CD9: variants seen among roughly 807,000 people sequenced by gnomAD.
CD9 encodes CD9 antigen.
CD9 carries 10 observed loss-of-function variants against 31.4 expected under a neutral mutation model. The ratio of observed to expected loss-of-function variants is 0.32; its 90% CI spans 0.20 to 0.54. CD9 has a LOEUF of 0.54. CD9 is among the 20% of genes least tolerant of loss of function. The pLI is 0.94. For missense variants in CD9, 259 were observed against 300.1 expected, an observed-to-expected ratio of 0.86 and a Z score of 1.01; for synonymous variants, 113 against 114.1, an observed-to-expected ratio of 0.99 and a Z score of 0.06.
At position 6,236,696 on chromosome 12, in the gene CD9, T is replaced by C. The variant is rs1946527871; in HGVS notation, c.621+421T>C. On this transcript the variant is annotated intron_variant, in intron 7 of 7. Transcript: ENST00000009180. ...GAACATGGGCAGCCAGAAGGAGGTC[T>C]CTCGCTAATCAGCCCCTAGAAACCA... 7.6e-6 allele frequency: 3 copies of C among 396,576 alleles called. No individual in the cohort carries two copies. The Admixed American group carries it at 1.2e-4, about 16-fold the overall frequency. 24.6% of individuals were successfully genotyped at this position (396,576 alleles called of 1,614,324 possible). A position where few individuals can be genotyped will look rare whatever the true frequency, so the allele number is the denominator to read the frequency against.
At chr12:6,221,977 G>A (rs994394583) in intron 1 of CD9, among the ~76,000 whole-genome samples, 6 of 152,086 alleles carry the variant, frequency 3.9e-5, no homozygotes, top group South Asian at 2.1e-4. Context: ...CCTGGGTGAC[G>A]AGAGCAAGAC....
At chr12:6,204,038 G>A (rs867403375) in intron 1 of CD9, among the ~76,000 whole-genome samples, 8 of 136,260 alleles carry the variant, frequency 5.9e-5, no homozygotes, top group Admixed American at 1.4e-4. Context: ...AGGCTGGTGC[G>A]AAACACAGAG....
intron 1 of CD9, among the ~76,000 whole-genome samples, chr12:6,207,417 C>G (rs1946144857): frequency 6.6e-6 from 1 of 152,218 alleles, no homozygotes; most frequent in African/African-American, 2.4e-5. Flanking sequence ...CCCTCTGACT[C>G]TCAGCTTAAT....
Position 6,237,808 on chromosome 12 carries a change from A to C in CD9, c.667A>C (p.Arg223=). Reference sequence around the variant, plus strand: ...TATGATCTTGTGCTGTGCTATCCGCAGGAACCGCGAGATGGTCTAGAGTCA... The same window carrying C: ...TATGATCTTGTGCTGTGCTATCCGCCGGAACCGCGAGATGGTCTAGAGTCA... ...FSMILCCAIR[R]NREMV Residue 223 remains arginine, a synonymous_variant, in exon 8 of 8, where the codon AGG becomes CGG. Coordinates refer to ENST00000009180, the MANE Select transcript of CD9 (RefSeq NM_001769.4). 6.2e-7 allele frequency: 1 copy of C among 1,613,166 alleles called. No homozygotes were observed. The highest frequency in any genetic ancestry group is 8.5e-7 in the Non-Finnish European group (1 of 1,179,132).
chr12:6,222,044 C>G (rs1946298388), intron 1 of CD9, among the ~76,000 whole-genome samples: 1 of 152,110 alleles, frequency 6.6e-6, no homozygotes. Context: ...AGGGGAGCCC[C>G]TCTATGCCAC....
chr12:6,216,973 T>C (rs1946249572), intron 1 of CD9, among the ~76,000 whole-genome samples: 1 of 152,232 alleles, frequency 6.6e-6, no homozygotes, highest in African/African-American at 2.4e-5. Context: ...TGCATCACTT[T>C]ATTTAATCCT....
intron 1 of CD9, among the ~76,000 whole-genome samples, chr12:6,204,769 G>A (rs190296287): frequency 2.0e-5 from 3 of 152,364 alleles, no homozygotes; most frequent in African/African-American, 7.2e-5. Flanking sequence ...CTAGTGGAGA[G>A]TAGAATGAGG....
intron 1 of CD9, among the ~76,000 whole-genome samples, chr12:6,219,311 G>A (rs1465764385): frequency 6.6e-6 from 1 of 151,852 alleles, no homozygotes; most frequent in African/African-American, 2.4e-5. Flanking sequence ...CGGCCTGCAT[G>A]GGCTTTTTGT....
chr12:6,200,254 G>A (rs1189461262), upstream of CD9: 5 of 203,482 alleles, frequency 2.5e-5, no homozygotes, highest in African/African-American at 7.2e-5. Flanking sequence ...GGGGCGGGGG[G>A]GGTGCGGCCC....
At chr12:6,222,053 A>G (rs937709451) in intron 1 of CD9, among the ~76,000 whole-genome samples, 1 of 152,184 alleles carries the variant, frequency 6.6e-6, no homozygotes, top group Non-Finnish European at 1.5e-5. Flanking sequence ...CCTCTATGCC[A>G]CACCAGAAAG....
At chr12:6,214,434 C>G (rs1382953059) in intron 1 of CD9, among the ~76,000 whole-genome samples, 1 of 146,090 alleles carries the variant, frequency 6.8e-6, no homozygotes, top group Non-Finnish European at 1.5e-5. Context: ...GCAGCCTTGA[C>G]CTCCTGGATT....
intron 1 of CD9, among the ~76,000 whole-genome samples, chr12:6,208,006 C>T (rs1446746566): frequency 6.6e-6 from 1 of 152,114 alleles, no homozygotes; most frequent in Admixed American, 6.5e-5. Context: ...AGGCGGATCA[C>T]CTGAGGTTGG....
chr12:6,207,137 C>T (rs1946141623), intron 1 of CD9, among the ~76,000 whole-genome samples: 1 of 152,168 alleles, frequency 6.6e-6, no homozygotes, highest in African/African-American at 2.4e-5. Context: ...CAGCCTCGGA[C>T]TCCCAAAGCA....
At chr12:6,221,878 C>G (rs142684088) in intron 1 of CD9, among the ~76,000 whole-genome samples, 2,291 of 151,804 alleles carry the variant, frequency 0.015, 62 homozygotes, top group African/African-American at 0.053. Context: ...ACCTGTAATC[C>G]CAGCTACTCA....
intron 2 of CD9, 33 bp downstream of exon 2, chr12:6,225,567 C>A: frequency 1.4e-6 from 2 of 1,386,512 alleles, no homozygotes; most frequent in Non-Finnish European, 2.1e-6. Context: ...TGAATTCAGA[C>A]CCTGGCTCCA....
intron 7 of CD9, 87 bp downstream of exon 7, chr12:6,236,362 G>T (rs1195650983): frequency 5.9e-6 from 7 of 1,184,414 alleles, no homozygotes; most frequent in Non-Finnish European, 7.4e-6. Context: ...GCCGCACTCT[G>T]TGCATTTGTC....
In CD9 at chr12:6,225,478, A is replaced by G. The variant is rs776320976; in HGVS notation, c.119A>G (p.Gln40Arg). The change falls in exon 2 of 8, where the codon CAG (glutamine) becomes CGG (arginine). Residue 40 changes from glutamine (Q) to arginine (R), a missense_variant. Transcript: ENST00000009180. ...GGACTATGGCTCCGATTCGACTCTC[A>G]GACCAAGAGCATCTTCGAGCAAGAA... Reference protein sequence around the residue: ...AIGLWLRFDSQTKSIFEQETN... With the variant: ...AIGLWLRFDSRTKSIFEQETN... The G allele has an allele frequency of 7.4e-6, 12 of 1,613,776 alleles. No homozygotes were observed. The Admixed American group carries it at 1.5e-4, about 20-fold the overall frequency.
chr12:6,212,940 G>A (rs1040480157), intron 1 of CD9, among the ~76,000 whole-genome samples: 4 of 152,154 alleles, frequency 2.6e-5, no homozygotes, highest in Admixed American at 1.3e-4. Context: ...CTGGGGTTGG[G>A]GGGAGTGGGC....
chr12:6,216,633 T>C (rs755115102), intron 1 of CD9, among the ~76,000 whole-genome samples: 2 of 152,156 alleles, frequency 1.3e-5, no homozygotes, highest in African/African-American at 2.4e-5. Flanking sequence ...TTCCCCACTT[T>C]CCTTTGGCCA....
Sources: gnomAD v4.1 joint callset for allele counts (sites outside exome capture counted in the v4.1 genomes callset) on GRCh38, gnomAD v4.1.1 for gene constraint, MANE v1.5 for transcripts, NCBI Gene and HGNC (gene_info 2026-07-23, HGNC 2026-07-21) for gene names.